The following GRIN2A variants were observed in gnomAD, a reference collection of about 807,000 sequenced individuals.
GRIN2A encodes glutamate receptor ionotropic, NMDA 2A.
A neutral mutation model predicts 113.4 loss-of-function variants in GRIN2A; 22 were observed. That is an observed-to-expected ratio of 0.19 (90% CI 0.14 to 0.28). GRIN2A has a LOEUF of 0.28. GRIN2A is among the 10% of genes least tolerant of loss of function. GRIN2A has a pLI of 1.00. For missense variants in GRIN2A, 1,502 were observed against 1,887.0 expected (o/e 0.80, Z 3.78); for synonymous variants, 827 against 738.4 (o/e 1.12, Z -1.94).
chr16:9,769,305 A>G lies in GRIN2A; in HGVS notation c.2357-216T>C, dbSNP rs1036949081. The G allele has an allele frequency of 1.4e-5, 5 of 354,478 alleles. No homozygotes were observed. The South Asian group carries it at 1.7e-4, about 12-fold the overall frequency. 22.0% of individuals were successfully genotyped at this position (354,478 alleles called of 1,614,324 possible). A position where few individuals can be genotyped will look rare whatever the true frequency, so the allele number is the denominator to read the frequency against. ...TTGTTGCAGTGAGGACAAAATTTAT[A>G]TATAAAAATAGAGAATATAATATAT... On this transcript the variant is annotated intron_variant, in intron 11 of 12. Transcript: ENST00000330684.
At chr16:10,122,887 C>T (rs1393118017) in intron 2 of GRIN2A, among the ~76,000 whole-genome samples, 3 of 152,020 alleles carry the variant, frequency 2.0e-5, no homozygotes, top group Non-Finnish European at 2.9e-5. Flanking sequence ...GTAAAGCCCA[C>T]GTGGACATTT....
chr16:10,090,080 C>T (rs890829836), intron 2 of GRIN2A, among the ~76,000 whole-genome samples: 1 of 151,900 alleles, frequency 6.6e-6, no homozygotes, highest in African/African-American at 2.4e-5. Flanking sequence ...TAGGACCTAC[C>T]AGGCATTATA....
At chr16:9,932,550 A>T (rs1043941162) in intron 3 of GRIN2A, among the ~76,000 whole-genome samples, 4 of 142,542 alleles carry the variant, frequency 2.8e-5, no homozygotes, top group African/African-American at 7.7e-5. Flanking sequence ...TAAAGTTTGT[A>T]TTTTTTTTTT....
chr16:10,008,357 T>C (rs2046441718), intron 2 of GRIN2A, among the ~76,000 whole-genome samples: 1 of 152,210 alleles, frequency 6.6e-6, no homozygotes, highest in African/African-American at 2.4e-5. Context: ...CAGATTAGCA[T>C]ACAAAGAATG....
intron 2 of GRIN2A, among the ~76,000 whole-genome samples, chr16:9,945,265 T>G (rs909142921): frequency 2.0e-5 from 3 of 152,084 alleles, no homozygotes; most frequent in Non-Finnish European, 2.9e-5. Context: ...GGTCATCTGA[T>G]CTGCTACATT....
chr16:10,164,489 A>G (rs969407179), intron 2 of GRIN2A, among the ~76,000 whole-genome samples: 6 of 152,198 alleles, frequency 3.9e-5, no homozygotes, highest in Admixed American at 3.3e-4. Flanking sequence ...CTCCAGCCCA[A>G]TTGGACGTGA....
intron 11 of GRIN2A, among the ~76,000 whole-genome samples, chr16:9,769,887 G>C (rs962476832): frequency 2.0e-5 from 3 of 152,104 alleles, no homozygotes; most frequent in Non-Finnish European, 4.4e-5. Flanking sequence ...ACTTAGAAAA[G>C]TCACACATGA....
At chr16:10,150,428 C>T (rs2049544234) in intron 2 of GRIN2A, among the ~76,000 whole-genome samples, 1 of 152,122 alleles carries the variant, frequency 6.6e-6, no homozygotes, top group African/African-American at 2.4e-5. Context: ...CTGGTATCTC[C>T]TGTTTTCAGG....
chr16:10,072,586 G>A (rs1467720106), intron 2 of GRIN2A, among the ~76,000 whole-genome samples: 2 of 152,096 alleles, frequency 1.3e-5, no homozygotes, highest in Admixed American at 6.5e-5. Flanking sequence ...GAGAACCACT[G>A]GACTTAGCCT....
rs747173188 is a variant in GRIN2A at position 9,959,672 on chromosome 16, G to A, written c.415-21121C>T. ...CAATGGTTTTCTTGTGGTTTTATTC[G>A]TGTACTAATTAAAAACATTGGCCAG... On this transcript the variant is annotated intron_variant, in intron 2 of 12. Coordinates refer to ENST00000330684, the MANE Select transcript of GRIN2A (RefSeq NM_001134407.3). Among the ~76,000 whole-genome samples the A allele has an allele frequency of 5.3e-5, 8 of 152,232 alleles. No homozygotes were observed. The East Asian group carries it at 5.8e-4, about 11-fold the overall frequency.
chr16:9,802,898 T>G (rs1172097922), intron 10 of GRIN2A, among the ~76,000 whole-genome samples: 1 of 152,218 alleles, frequency 6.6e-6, no homozygotes, highest in East Asian at 1.9e-4. Flanking sequence ...CTAGCTGTTC[T>G]GTGGCAAGCA....
rs1489860803 is a variant in GRIN2A at position 9,754,859 on chromosome 16, G to C, written c.*8290C>G. On this transcript the variant is annotated 3_prime_UTR_variant, in exon 13 of 13. Coordinates refer to ENST00000330684, the MANE Select transcript of GRIN2A (RefSeq NM_001134407.3). ...CAGTTATCAATAGTCTTTGATTTGA[G>C]CCCTTTAAAACTTGAAACAGCAAAA... The C allele has an allele frequency of 1.3e-5, 3 of 224,120 alleles. No individual in the cohort carries two copies. The highest frequency in any genetic ancestry group is 2.7e-5 in the Non-Finnish European group (3 of 112,478). 13.9% of individuals were successfully genotyped at this position (224,120 alleles called of 1,614,324 possible). A position where few individuals can be genotyped will look rare whatever the true frequency, so the allele number is the denominator to read the frequency against.
chr16:9,992,274 T>C (rs1188518208), intron 2 of GRIN2A, among the ~76,000 whole-genome samples: 1 of 152,154 alleles, frequency 6.6e-6, no homozygotes, highest in East Asian at 1.9e-4. Flanking sequence ...TCTCAGAGGA[T>C]AAGCTAGTTT....
intron 3 of GRIN2A, among the ~76,000 whole-genome samples, chr16:9,916,253 G>T (rs1048003647): frequency 6.6e-5 from 10 of 152,060 alleles, no homozygotes; most frequent in Admixed American, 5.9e-4. Flanking sequence ...AATTAGGAGG[G>T]TAATAAAGCA....
At chr16:9,990,475 A>T (rs1338599143) in intron 2 of GRIN2A, among the ~76,000 whole-genome samples, 1 of 151,932 alleles carries the variant, frequency 6.6e-6, no homozygotes, top group East Asian at 1.9e-4. Flanking sequence ...TTAGAGGCTC[A>T]AACTTCAGCA....
chr16:9,829,810 A>AT (rs1333273010), intron 8 of GRIN2A, among the ~76,000 whole-genome samples, 158 bp from the exon 9 acceptor site: 5 of 152,152 alleles, frequency 3.3e-5, no homozygotes, highest in South Asian at 4.1e-4. Context: ...ACAATAACTT[A>AT]TTTTTTTCTT....
intron 2 of GRIN2A, among the ~76,000 whole-genome samples, chr16:10,078,574 G>T (rs903965691): frequency 6.6e-6 from 1 of 152,130 alleles, no homozygotes; most frequent in African/African-American, 2.4e-5. Context: ...GCCCCTGGGG[G>T]CAGGAGAAGC....
chr16:10,099,539 G>A (rs2048353792), intron 2 of GRIN2A, among the ~76,000 whole-genome samples: 1 of 152,126 alleles, frequency 6.6e-6, no homozygotes, highest in Non-Finnish European at 1.5e-5. Context: ...GAAGTTGGTG[G>A]TTTTTCACAA....
chr16:10,015,377 G>A (rs1411601341), intron 2 of GRIN2A, among the ~76,000 whole-genome samples: 1 of 149,912 alleles, frequency 6.7e-6, no homozygotes, highest in East Asian at 2.0e-4. Flanking sequence ...AGACTTGAAA[G>A]ATCCACAATG....
Sources: allele counts gnomAD v4.1 joint callset (sites outside exome capture counted in the v4.1 genomes callset), GRCh38; gene constraint gnomAD v4.1.1; transcripts MANE v1.5; gene names NCBI Gene and HGNC (gene_info 2026-07-23, HGNC 2026-07-21).